AGBL1: variants seen among roughly 807,000 people sequenced by gnomAD.
The protein encoded by AGBL1 is AGBL carboxypeptidase 1.
In AGBL1, 130 loss-of-function variants were observed where a neutral mutation model predicts 118.9. That is an observed-to-expected ratio of 1.09 (90% CI 0.95 to 1.26). The LOEUF (loss-of-function observed/expected upper bound fraction) is 1.26. Among genes scored for constraint, AGBL1 ranks in the 50% most tolerant of loss-of-function variants. AGBL1 has a pLI of 0.00. For synonymous variants in AGBL1, 555 were observed against 478.9 expected, an observed-to-expected ratio of 1.16 and a Z score of -2.08; for missense variants, 1,584 against 1,298.1, an observed-to-expected ratio of 1.22 and a Z score of -3.38.
chr15:86,243,012 G>T (rs182763414), intron 6 of AGBL1, among the ~76,000 whole-genome samples: 43 of 152,284 alleles, frequency 2.8e-4, no homozygotes, highest in African/African-American at 1.0e-3. Flanking sequence ...ACTTCTGAAG[G>T]AGCTGGGGTT....
chr15:86,217,567 G>A lies in AGBL1; in HGVS notation c.489-7347G>A, dbSNP rs141802532. On this transcript the variant is annotated intron_variant, in intron 5 of 22. Coordinates refer to ENST00000614907, the MANE Select transcript of AGBL1 (RefSeq NM_001386094.1). ...GATGAATGTACCTAACAGAGGACTA[G>A]GGGTCAAGGGAGTCTTTCTACAGGA... 5.2e-3 allele frequency among the ~76,000 whole-genome samples: 799 copies of A among 152,320 alleles called. 4 individuals carry two copies. The highest frequency in any genetic ancestry group is 0.012 in the African/African-American group (499 of 41,574).
At chr15:86,985,315 A>C (rs72757489) in intron 23 of AGBL1, among the ~76,000 whole-genome samples, 2,929 of 152,282 alleles carry the variant, frequency 0.019, 55 homozygotes, top group Middle Eastern at 0.071. Flanking sequence ...GGAACTTCCT[A>C]ATGATTTCCT....
chr15:86,550,271 A>C (rs1407403045), intron 20 of AGBL1, among the ~76,000 whole-genome samples: 3 of 152,180 alleles, frequency 2.0e-5, no homozygotes, highest in African/African-American at 7.2e-5. Flanking sequence ...GGCAAATGTA[A>C]ATCCAAAAAT....
At position 86,996,628 on chromosome 15, in the gene AGBL1, G is replaced by A. The variant is rs572767700; in HGVS notation, c.3323+8540G>A. ...AAGCATATACCTAGCATATACCTAA[G>A]AGTAGAATTGCTGGCTTTGATTGAT... On this transcript the variant is annotated intron_variant, in intron 24 of 24. Coordinates refer to the AGBL1 transcript ENST00000441037. Among the ~76,000 whole-genome samples the A allele has an allele frequency of 2.0e-5, 3 of 152,268 alleles. No individual in the cohort carries two copies. The East Asian group carries it at 5.8e-4, about 29-fold the overall frequency.
intron 18 of AGBL1, among the ~76,000 whole-genome samples, chr15:86,518,894 C>G (rs2083153669): frequency 6.6e-6 from 1 of 150,912 alleles, no homozygotes; most frequent in African/African-American, 2.4e-5. Flanking sequence ...TGCAGCATTC[C>G]TAGACAAACT....
intron 17 of AGBL1, among the ~76,000 whole-genome samples, chr15:86,309,440 A>G (rs1156821725): frequency 1.3e-5 from 2 of 152,180 alleles, no homozygotes; most frequent in Non-Finnish European, 2.9e-5. Context: ...CACTAGTACT[A>G]TATCGAATAG....
intron 1 of AGBL1, among the ~76,000 whole-genome samples, chr15:86,114,461 G>A (rs745932433): frequency 8.5e-5 from 13 of 152,240 alleles, no homozygotes; most frequent in Middle Eastern, 3.4e-3. Context: ...CTCCTAGAGC[G>A]CCCTGCATTT....
intron 5 of AGBL1, among the ~76,000 whole-genome samples, chr15:86,167,922 G>C (rs76295735): frequency 0.016 from 2,450 of 152,322 alleles, 27 homozygotes; most frequent in East Asian, 0.071. Flanking sequence ...TGAGAAAAAT[G>C]AGTAGAGAAC....
intron 22 of AGBL1, among the ~76,000 whole-genome samples, chr15:86,837,625 A>G (rs1227097517): frequency 1.3e-5 from 2 of 152,216 alleles, no homozygotes; most frequent in Non-Finnish European, 2.9e-5. Flanking sequence ...ATATGTACTC[A>G]AAAATAGAAA....
chr15:86,160,448 C>T (rs1206983864), intron 5 of AGBL1, among the ~76,000 whole-genome samples: 3 of 152,146 alleles, frequency 2.0e-5, no homozygotes, highest in Non-Finnish European at 2.9e-5. Flanking sequence ...TCCTGGGGTA[C>T]ATCTGAGTTC....
At chr15:86,214,297 G>C (rs138785038) in intron 5 of AGBL1, among the ~76,000 whole-genome samples, 29 of 152,294 alleles carry the variant, frequency 1.9e-4, no homozygotes, top group African/African-American at 5.5e-4. Context: ...TTCAAGAGTG[G>C]ATTATATCAT....
chr15:86,793,163 G>A (rs911070061), intron 22 of AGBL1, among the ~76,000 whole-genome samples: 2 of 152,114 alleles, frequency 1.3e-5, no homozygotes, highest in African/African-American at 4.8e-5. Context: ...AAGCACCATA[G>A]ACTATCATTC....
At chr15:86,489,448 G>C (rs775533288) in intron 18 of AGBL1, among the ~76,000 whole-genome samples, 1 of 151,894 alleles carries the variant, frequency 6.6e-6, no homozygotes, top group African/African-American at 2.4e-5. Context: ...TTTTTTTCCT[G>C]CACTTCTGTC....
intron 18 of AGBL1, among the ~76,000 whole-genome samples, chr15:86,491,572 C>T (rs1021866260): frequency 2.0e-5 from 3 of 151,990 alleles, no homozygotes; most frequent in Admixed American, 6.6e-5. Context: ...ATTCTTACAG[C>T]TTCCAGGAAA....
intron 22 of AGBL1, among the ~76,000 whole-genome samples, chr15:86,719,527 C>T (rs999707741): frequency 1.3e-5 from 2 of 152,060 alleles, no homozygotes; most frequent in African/African-American, 4.8e-5. Context: ...GGTGAGCTTC[C>T]CAGTAAAACC....
chr15:86,534,019 G>A (rs1310130540), intron 19 of AGBL1, among the ~76,000 whole-genome samples: 4 of 121,876 alleles, frequency 3.3e-5, no homozygotes, highest in Admixed American at 1.6e-4. Flanking sequence ...GCTAGATAAC[G>A]AGTTAGTGGG....
intron 18 of AGBL1, among the ~76,000 whole-genome samples, chr15:86,420,034 C>G (rs962819334): frequency 1.3e-5 from 2 of 152,156 alleles, no homozygotes; most frequent in Non-Finnish European, 2.9e-5. Flanking sequence ...GCTGTGGGCA[C>G]AGCTTCAGCA....
At chr15:86,417,335 C>T (rs765965683) in intron 18 of AGBL1, among the ~76,000 whole-genome samples, 8 of 152,150 alleles carry the variant, frequency 5.3e-5, no homozygotes, top group Admixed American at 1.3e-4. Context: ...TATATGTTTT[C>T]CTTTCTCCAC....
chr15:86,720,762 T>A (rs2086706121), intron 22 of AGBL1, among the ~76,000 whole-genome samples: 1 of 152,002 alleles, frequency 6.6e-6, no homozygotes, highest in Admixed American at 6.6e-5. Context: ...CTAGCAAGAC[T>A]AATAAAGAAG....
Sources: gnomAD v4.1 joint callset for allele counts (sites outside exome capture counted in the v4.1 genomes callset) on GRCh38, gnomAD v4.1.1 for gene constraint, MANE v1.5 for transcripts, NCBI Gene and HGNC (gene_info 2026-07-23, HGNC 2026-07-21) for gene names.